Variants in COX18 observed in about 807,000 individuals in gnomAD.
COX18 encodes cytochrome c oxidase assembly factor COX18.
Under a neutral mutation model 38.0 loss-of-function variants are expected in COX18, and 45 were observed. The observed-to-expected ratio is 1.18, with a 90% CI of 0.93 to 1.52. The LOEUF (loss-of-function observed/expected upper bound fraction) is 1.52. Among genes scored for constraint, COX18 ranks in the 40% most tolerant of loss-of-function variants. The probability of loss-of-function intolerance (pLI) is 0.00; values close to 1 mark genes in which losing one functional copy is unlikely to be tolerated. For missense variants in COX18, 462 were observed against 423.8 expected (o/e 1.09, Z -0.79); for synonymous variants, 177 against 169.8 (o/e 1.04, Z -0.33).
intron 3 of COX18, 143 bp from the exon 4 acceptor site, chr4:73,065,045 G>T (rs1001164192): frequency 1.0e-6 from 1 of 977,572 alleles, no homozygotes; most frequent in Non-Finnish European, 1.5e-6. Context: ...AGTTTTTCAC[G>T]CACAATATAT....
chr4:73,062,211 C>A (rs1414327119), intron 4 of COX18, among the ~76,000 whole-genome samples: 1 of 152,054 alleles, frequency 6.6e-6, no homozygotes, highest in Non-Finnish European at 1.5e-5. Context: ...CATGCACCAA[C>A]CACTGCACTC....
chr4:73,068,070 T>G lies in COX18; in HGVS notation c.393A>C (p.Ala131=). Reference sequence around the variant, plus strand: ...ACCACCCCAACTGATTTGCACGAACTGCAACTTCTTGGTTAAGATGCCTGG... The same window carrying G: ...ACCACCCCAACTGATTTGCACGAACGGCAACTTCTTGGTTAAGATGCCTGG... ...TIARHLNQEV[A]VRANQLGWSK... The change falls in exon 2 of 6, where the codon GCA becomes GCC. Residue 131 remains alanine, a synonymous_variant. Coordinates refer to ENST00000507544, the MANE Select transcript of COX18 (RefSeq NM_001297732.2). The G allele has an allele frequency of 6.2e-7, 1 of 1,607,082 alleles. No individual in the cohort carries two copies. The highest frequency in any genetic ancestry group is 8.5e-7 in the Non-Finnish European group (1 of 1,177,738).
chr4:73,063,989 G>C (rs1258494676), intron 4 of COX18, among the ~76,000 whole-genome samples: 1 of 152,160 alleles, frequency 6.6e-6, no homozygotes, highest in Non-Finnish European at 1.5e-5. Flanking sequence ...TAAGGGTTAA[G>C]ACATGACTGA....
chr4:73,061,900 A>C lies in COX18; in HGVS notation c.744T>G (p.Ile248Met). The C allele has an allele frequency of 6.2e-7, 1 of 1,610,162 alleles. No homozygotes were observed. The highest frequency in any genetic ancestry group is 8.5e-7 in the Non-Finnish European group (1 of 1,176,712). The change falls in exon 5 of 6, where the codon ATT becomes ATG. Residue 248 changes from isoleucine to methionine, a missense_variant. By Grantham distance (10) the Ile-to-Met change is conservative. Coordinates refer to ENST00000507544, the MANE Select transcript of COX18 (RefSeq NM_001297732.2). ...LIVEICALQK[I>M]GMSRFQTYIT... ...TATACGTCTGAAAACGAGACATTCC[A>C]ATTTTTTGTAGAGCACAAATCTGAA...
rs1434171466 is a variant in COX18, at chr4:73,065,205, G to C, written c.598+45C>G. 4 of 720,880 alleles carry C rather than the reference G, an allele frequency of 5.5e-6. No individual in the cohort carries two copies. The East Asian group carries it at 9.6e-5, about 17-fold the overall frequency. 44.7% of individuals were successfully genotyped at this position (720,880 alleles called of 1,614,324 possible). On this transcript the variant is annotated intron_variant, in intron 3 of 5. Coordinates refer to ENST00000507544, the MANE Select transcript of COX18 (RefSeq NM_001297732.2). ...TTTTTTTTTTTTTTTTTAGTACAAAGACAATGTTAGAGAACTTCTTTGGGA... is the reference window on the plus strand; with the variant it reads ...TTTTTTTTTTTTTTTTTAGTACAAACACAATGTTAGAGAACTTCTTTGGGA...
chr4:73,061,962 CG>C (rs1560471938), intron 4 of COX18, 42 bp from the exon 5 acceptor site: 7 of 1,026,732 alleles, frequency 6.8e-6, no homozygotes, highest in Non-Finnish European at 1.0e-5. Flanking sequence ...ATTATTAAAA[CG>C]CATATTAAAT....
rs572167947 is a variant in COX18 at position 73,055,661 on chromosome 4, G to A, written c.*2453C>T. On this transcript the variant is annotated 3_prime_UTR_variant, in exon 6 of 6. Transcript: ENST00000507544. The stretch of plus-strand genomic sequence containing the variant: ...CAAAAAGGATACATGTTTACGGTAT[G>A]AGAGCTGAAACTAGAAGGCAGAGTA... 1 of 152,206 alleles carries A rather than the reference G, an allele frequency of 6.6e-6. No individual in the cohort carries two copies. Among genetic ancestry groups the A allele is most frequent in the African/African-American group, 2.4e-5 (1 of 41,448 alleles). The allele number at this position is 152,206 out of a possible 1,614,324, so 9.4% of individuals were successfully genotyped here.
rs1198753009 is a variant in COX18 at position 73,052,877 on chromosome 4, T to A, written c.*5237A>T. On this transcript the variant is annotated 3_prime_UTR_variant, in exon 6 of 6. Coordinates refer to ENST00000507544, the MANE Select transcript of COX18 (RefSeq NM_001297732.2). ...ATTCTTTAATTTTTTTTCTAGGGTC[T>A]GCATTCCTACTGCTTCTGGGACTTA... 1.3e-5 allele frequency: 2 copies of A among 151,822 alleles called. No homozygotes were observed. Among genetic ancestry groups the A allele is most frequent in the African/African-American group, 4.8e-5 (2 of 41,306 alleles). 9.4% of individuals were successfully genotyped at this position (151,822 alleles called of 1,614,324 possible). A position where few individuals can be genotyped will look rare whatever the true frequency, so the allele number is the denominator to read the frequency against.
intron 4 of COX18, 91 bp from the exon 5 acceptor site, chr4:73,062,011 C>A: frequency 1.5e-6 from 1 of 668,862 alleles, no homozygotes. Context: ...TTTTCACTGG[C>A]CTCCATCTAC....
chr4:73,061,391 T>C (rs1023129481), intron 5 of COX18, among the ~76,000 whole-genome samples: 8 of 151,864 alleles, frequency 5.3e-5, no homozygotes, highest in South Asian at 2.1e-4. Flanking sequence ...AGGGATCAAG[T>C]AGTCAGAGGA....
Position 73,058,276 on chromosome 4 carries a change from G to C in COX18, c.843C>G (p.Leu281=), listed in dbSNP as rs1354312225. 9 of 1,607,148 alleles carry C rather than the reference G, an allele frequency of 5.6e-6. No individual in the cohort carries two copies. The highest frequency in any genetic ancestry group is 7.6e-6 in the Non-Finnish European group (9 of 1,176,878). Residue 281 remains leucine (L), a synonymous_variant, in exon 6 of 6, where the codon CTC becomes CTG. Transcript: ENST00000507544. The part of the protein sequence containing the change: ...IAATVPSSIV[L]YWLCSSFVGL... ...CCACGAAGCTGGAGCATAACCAGTA[G>C]AGAACAATTGACTATAAAGAGAAGA...
At chr4:73,061,781 A>G (rs1438694039) in intron 5 of COX18, 32 bp downstream of exon 5, 1 of 1,238,508 alleles carries the variant, frequency 8.1e-7, no homozygotes, top group Non-Finnish European at 1.2e-6. Flanking sequence ...AGGATTTAGC[A>G]CATGCTACAC....
chr4:73,060,366 A>AATC (rs201249945), intron 5 of COX18, among the ~76,000 whole-genome samples: 2,931 of 152,284 alleles, frequency 0.019, 33 homozygotes, highest in South Asian at 0.033. Flanking sequence ...AAATGTAGTG[A>AATC]ATCTGTGCCG....
chr4:73,067,382 A>G (rs2110060628), intron 2 of COX18, among the ~76,000 whole-genome samples: 1 of 152,162 alleles, frequency 6.6e-6, no homozygotes, highest in East Asian at 1.9e-4. Context: ...TCATCTTTAT[A>G]TAACAGTTAG....
chr4:73,068,187 C>A, intron 1 of COX18, 58 bp from the exon 2 acceptor site: 1 of 1,042,002 alleles, frequency 9.6e-7, no homozygotes, highest in Non-Finnish European at 1.4e-6. Context: ...CATAATGACT[C>A]ATAATCTTTC....
intron 2 of COX18, among the ~76,000 whole-genome samples, chr4:73,067,521 T>A: frequency 6.6e-6 from 1 of 152,058 alleles, no homozygotes; most frequent in African/African-American, 2.4e-5. Context: ...TATGAAACTA[T>A]CATGCCATAT....
At position 73,058,137 on chromosome 4, in the gene COX18, T is replaced by A; in HGVS notation, c.982A>T (p.Thr328Ser). 1 of 1,603,872 alleles carries A rather than the reference T, an allele frequency of 6.2e-7. No individual in the cohort carries two copies. Among genetic ancestry groups the A allele is most frequent in the Non-Finnish European group, 8.5e-7 (1 of 1,174,936 alleles). ...PYKDIFAAFN[T>S]KFISRK is the part of the protein sequence containing the mutation. ...TGTCATTTTCTTGAAATGAACTTGG[T>A]ATTAAAGGCAGCAAATATGTCTTTA... The change falls in exon 6 of 6, where the codon ACC (threonine) becomes TCC (serine). Residue 328 changes from threonine (T) to serine (S), a missense_variant. Physicochemically the swap from Thr to Ser is moderately conservative, Grantham distance 58 (BLOSUM62 1). Transcript: ENST00000507544.
chr4:73,069,560 CGTAGGAACCGGCGCAAGCGGCAG>C lies in COX18; in HGVS notation c.67_89del (p.Leu23GlufsTer97). On this transcript the variant is annotated frameshift_variant, in exon 1 of 6. Transcript: ENST00000507544. LOFTEE classifies it high-confidence loss of function. ...GGAGAGTGGGGCGCTTGGCGCCGCT[CGTAGGAACCGGCGCAAGCGGCAG>C]GTCCCTAGCCCAAAGCTGCAGGGCA... 6.4e-7 allele frequency: 1 copy of C among 1,568,558 alleles called. No homozygotes were observed. Among genetic ancestry groups the C allele is most frequent in the Non-Finnish European group, 8.6e-7 (1 of 1,157,472 alleles).
rs1040407053 is a variant in COX18, at chr4:73,056,344, C to T, written c.*1770G>A. Reference sequence around the variant, plus strand: ...GTTTAAGCCTATTAGGGTACTTAATCCTTACAAATAAACAGGTTTAAAATC... The same window carrying T: ...GTTTAAGCCTATTAGGGTACTTAATTCTTACAAATAAACAGGTTTAAAATC... On this transcript the variant is annotated 3_prime_UTR_variant, in exon 6 of 6. Transcript: ENST00000507544. The T allele has an allele frequency of 1.3e-5, 2 of 152,140 alleles. No homozygotes were observed. Among genetic ancestry groups the T allele is most frequent in the Non-Finnish European group, 2.9e-5 (2 of 68,022 alleles). The allele number at this position is 152,140 out of a possible 1,614,324, so 9.4% of individuals were successfully genotyped here. A position where few individuals can be genotyped will look rare whatever the true frequency, so the allele number is the denominator to read the frequency against.
Sources: allele counts gnomAD v4.1 joint callset (sites outside exome capture counted in the v4.1 genomes callset), GRCh38; gene constraint gnomAD v4.1.1; transcripts MANE v1.5; gene names NCBI Gene and HGNC (gene_info 2026-07-23, HGNC 2026-07-21).